The following PLD5 variants were observed in gnomAD, a reference collection of about 807,000 sequenced individuals.
PLD5 encodes phospholipase D family member 5.
A neutral mutation model predicts 61.1 loss-of-function variants in PLD5; 36 were observed. That is an observed-to-expected ratio of 0.59 (90% CI 0.45 to 0.78). PLD5 has a LOEUF of 0.78. Among genes scored for constraint, PLD5 ranks in the 30% least tolerant of loss-of-function variants. PLD5 has a pLI of 0.00. For synonymous variants in PLD5, 243 were observed against 242.8 expected, an observed-to-expected ratio of 1.00 and a Z score of -0.01; for missense variants, 515 against 644.4, an observed-to-expected ratio of 0.80 and a Z score of 2.17.
chr1:242,103,444 C>T (rs771090815), intron 8 of PLD5, among the ~76,000 whole-genome samples: 5 of 152,210 alleles, frequency 3.3e-5, no homozygotes, highest in Non-Finnish European at 7.3e-5. Flanking sequence ...CTCCACCAAG[C>T]GTCATGTGAG....
chr1:242,156,663 A>C (rs1239185391), intron 5 of PLD5, among the ~76,000 whole-genome samples: 1 of 152,178 alleles, frequency 6.6e-6, no homozygotes, highest in Non-Finnish European at 1.5e-5. Flanking sequence ...TTTCTTTAAG[A>C]ATGTAGAATA....
At chr1:242,146,272 T>G (rs564013935) in intron 5 of PLD5, among the ~76,000 whole-genome samples, 72 of 152,328 alleles carry the variant, frequency 4.7e-4, no homozygotes, top group African/African-American at 1.7e-3. Context: ...TCACTCAGTT[T>G]TTAGCAATTC....
intron 5 of PLD5, among the ~76,000 whole-genome samples, chr1:242,154,669 C>G (rs923346421): frequency 3.3e-5 from 5 of 152,066 alleles, no homozygotes; most frequent in African/African-American, 1.2e-4. Flanking sequence ...TATGTTGAAC[C>G]AGTCTTGCAT....
chr1:242,167,006 C>CATT (rs1666347890), intron 5 of PLD5, among the ~76,000 whole-genome samples: 1 of 151,032 alleles, frequency 6.6e-6, no homozygotes, highest in Admixed American at 6.6e-5. Context: ...TTAGATTTAC[C>CATT]ATTATTCCTA....
intron 1 of PLD5, among the ~76,000 whole-genome samples, chr1:242,387,297 C>T (rs1662653721): frequency 6.6e-6 from 1 of 152,110 alleles, no homozygotes; most frequent in Non-Finnish European, 1.5e-5. Flanking sequence ...AGTCAAGATC[C>T]TCCTGAAGGA....
intron 9 of PLD5, among the ~76,000 whole-genome samples, chr1:242,096,660 T>G (rs112203657): frequency 0.079 from 11,853 of 149,278 alleles, 528 homozygotes; most frequent in Middle Eastern, 0.18. Context: ...TTTTTGGTTG[T>G]TTGTTTGTTT....
intron 4 of PLD5, among the ~76,000 whole-genome samples, chr1:242,250,216 G>A (rs1045234983): frequency 2.0e-5 from 3 of 152,214 alleles, no homozygotes; most frequent in African/African-American, 7.2e-5. Flanking sequence ...GAAATTTGAA[G>A]TGTACTCTAT....
chr1:242,515,019 A>G (rs1422416548), intron 1 of PLD5, among the ~76,000 whole-genome samples: 1 of 152,182 alleles, frequency 6.6e-6, no homozygotes, highest in African/African-American at 2.4e-5. Context: ...ATGGAAATCT[A>G]CATAAAGATG....
At chr1:242,325,774 C>G (rs144774374) in intron 2 of PLD5, among the ~76,000 whole-genome samples, 1 of 152,182 alleles carries the variant, frequency 6.6e-6, no homozygotes, top group African/African-American at 2.4e-5. Context: ...AGACCTACAC[C>G]TTCCCTGCCA....
intron 3 of PLD5, among the ~76,000 whole-genome samples, chr1:242,275,448 T>C (rs1317073533): frequency 6.6e-6 from 1 of 152,198 alleles, no homozygotes; most frequent in Non-Finnish European, 1.5e-5. Flanking sequence ...GATATAAGTA[T>C]GAAGGTTATT....
At chr1:242,422,269 C>T (rs1049616667) in intron 1 of PLD5, among the ~76,000 whole-genome samples, 33 of 152,278 alleles carry the variant, frequency 2.2e-4, no homozygotes, top group Non-Finnish European at 4.3e-4. Context: ...CTGCCAGATT[C>T]ATGGCAAAGA....
chr1:242,471,428 C>T (rs1667445538), intron 1 of PLD5, among the ~76,000 whole-genome samples: 1 of 152,100 alleles, frequency 6.6e-6, no homozygotes, highest in African/African-American at 2.4e-5. Flanking sequence ...TCTTGGAAGC[C>T]CATAACTGAC....
intron 4 of PLD5, among the ~76,000 whole-genome samples, chr1:242,254,052 G>T (rs1672871240): frequency 6.6e-6 from 1 of 152,158 alleles, no homozygotes; most frequent in Admixed American, 6.5e-5. Context: ...AAACAAACCA[G>T]CTGCATTCCC....
chr1:242,201,802 A>C (rs1306523815), intron 5 of PLD5, among the ~76,000 whole-genome samples: 1 of 152,198 alleles, frequency 6.6e-6, no homozygotes, highest in African/African-American at 2.4e-5. Flanking sequence ...ATTTTGTTAC[A>C]TTATTTTCAT....
intron 4 of PLD5, among the ~76,000 whole-genome samples, chr1:242,236,536 A>C (rs950294114): frequency 1.2e-4 from 18 of 150,358 alleles, no homozygotes; most frequent in African/African-American, 4.4e-4. Context: ...CTTTTGAAAA[A>C]AATAATAAAA....
At chr1:242,185,962 T>C (rs1287474373) in intron 5 of PLD5, among the ~76,000 whole-genome samples, 2 of 152,066 alleles carry the variant, frequency 1.3e-5, no homozygotes, top group Non-Finnish European at 2.9e-5. Flanking sequence ...TACCCAGAAA[T>C]AGGTGCTTGG....
intron 1 of PLD5, among the ~76,000 whole-genome samples, chr1:242,456,066 G>A (rs1343750739): frequency 1.3e-5 from 2 of 152,230 alleles, no homozygotes; most frequent in African/African-American, 4.8e-5. Flanking sequence ...TTTTATTTAA[G>A]AGTGTGTCAG....
At position 242,094,123 on chromosome 1, in the gene PLD5, C is replaced by CT. The variant is rs796279032; in HGVS notation, c.1355-4014dup. ...TTAATTGGGATGCAATTTCATCCAG[C>CT]TTTTTTTTTTTGAGACTACCACTGC... On this transcript the variant is annotated intron_variant, in intron 9 of 9. Coordinates refer to ENST00000536534, the MANE Select transcript of PLD5 (RefSeq NM_001372062.1). Among the ~76,000 whole-genome samples, 1,153 of 146,420 alleles carry CT rather than the reference C, an allele frequency of 7.9e-3. 13 individuals are homozygous for CT. The highest frequency in any genetic ancestry group is 0.026 in the African/African-American group (1,047 of 40,220).
At chr1:242,376,990 T>C (rs2149251782) in intron 1 of PLD5, 3 of 1,611,786 alleles carry the variant, frequency 1.9e-6, no homozygotes, top group South Asian at 2.2e-5. Flanking sequence ...ATGTGAGTAT[T>C]TGAGGCAGCT....
Sources: allele counts gnomAD v4.1 joint callset (sites outside exome capture counted in the v4.1 genomes callset), GRCh38; gene constraint gnomAD v4.1.1; transcripts MANE v1.5; gene names NCBI Gene and HGNC (gene_info 2026-07-23, HGNC 2026-07-21).